The following TMEM60 variants were observed in gnomAD, a reference collection of about 807,000 sequenced individuals.
TMEM60 encodes transmembrane protein 60.
In TMEM60, 4 loss-of-function variants were observed where a neutral mutation model predicts 10.7. That is an observed-to-expected ratio of 0.37 (90% CI 0.18 to 0.86). TMEM60 has a LOEUF of 0.86. TMEM60 is among the 40% of genes least tolerant of loss of function. TMEM60 has a pLI of 0.43. For synonymous variants in TMEM60, 56 were observed against 58.1 expected (o/e 0.96, Z 0.17); for missense variants, 128 against 153.4 (o/e 0.83, Z 0.88).
At position 77,794,341 on chromosome 7, in the gene TMEM60, G is replaced by A. The variant is rs1193444004; in HGVS notation, c.33C>T (p.Leu11=). ...AGAAGAGTAGTGTGAAAAGCCAGGT[G>A]AGTAGTACTCTCTGAGCCAAGGACA... is the stretch of plus-strand genomic sequence containing the variant. The part of the protein sequence containing the change: MRMSLAQRVL[L]TWLFTLLFLI... Residue 11 remains leucine, a synonymous_variant, in exon 2 of 2, where the codon CTC becomes CTT. Coordinates refer to ENST00000257663, the MANE Select transcript of TMEM60 (RefSeq NM_032936.4). 6.3e-7 allele frequency: 1 copy of A among 1,598,248 alleles called. No individual in the cohort carries two copies. The highest frequency in any genetic ancestry group is 8.5e-7 in the Non-Finnish European group (1 of 1,174,048).
chr7:77,795,199 A>T (rs1358802004), intron 1 of TMEM60, among the ~76,000 whole-genome samples: 1 of 152,086 alleles, frequency 6.6e-6, no homozygotes, highest in African/African-American at 2.4e-5. Context: ...AATGGTTAAT[A>T]AAAATCACAA....
In TMEM60 at chr7:77,794,168, T is replaced by C. The variant is rs758392073; in HGVS notation, c.206A>G (p.His69Arg). 3.1e-6 allele frequency: 5 copies of C among 1,613,374 alleles called. No homozygotes were observed. Among genetic ancestry groups the C allele is most frequent in the African/African-American group, 1.3e-5 (1 of 74,936 alleles). Residue 69 changes from histidine (H) to arginine (R), a missense_variant, in exon 2 of 2, where the codon CAT becomes CGT. Physicochemically the swap from His to Arg is conservative, Grantham distance 29. Transcript: ENST00000257663. ...GRCKSGFDPR[H>R]GSHNIKKKAW... ...TTTTTTTTTAATATTGTGTGATCCATGTCGAGGGTCAAAGCCAGACTTACA... is the reference window on the plus strand; with the variant it reads ...TTTTTTTTTAATATTGTGTGATCCACGTCGAGGGTCAAAGCCAGACTTACA...
Position 77,793,820 on chromosome 7 carries a change from C to T in TMEM60, c.*152G>A, listed in dbSNP as rs1465939449. 7 of 789,600 alleles carry T rather than the reference C, an allele frequency of 8.9e-6. No homozygotes were observed. Among genetic ancestry groups the T allele is most frequent in the East Asian group, 3.0e-5 (1 of 32,854 alleles). The allele number at this position is 789,600 out of a possible 1,614,324, so 48.9% of individuals were successfully genotyped here. On this transcript the variant is annotated 3_prime_UTR_variant, in exon 2 of 2. Coordinates refer to ENST00000257663, the MANE Select transcript of TMEM60 (RefSeq NM_032936.4). ...TTAAGCTGTAGGTTGACTAGAAGTC[C>T]GTGATTCACCAATCCTGTTTTATGG...
chr7:77,796,358 T>C (rs1268682203), intron 1 of TMEM60, among the ~76,000 whole-genome samples: 1 of 152,254 alleles, frequency 6.6e-6, no homozygotes, highest in African/African-American at 2.4e-5. Flanking sequence ...GCATTTATTA[T>C]ATTTAATCTT....
rs1182456348 is a variant in TMEM60 at position 77,794,420 on chromosome 7, T to C, written c.-47A>G. On this transcript the variant is annotated 5_prime_UTR_variant, in exon 2 of 2. Transcript: ENST00000257663. Reference sequence around the variant, plus strand: ...TTGCAGGATCGGAAAAAAGGAAATATACCCTAAGAGAAGGAGAAAAAGTCA... The same window carrying C: ...TTGCAGGATCGGAAAAAAGGAAATACACCCTAAGAGAAGGAGAAAAAGTCA... 8.3e-6 allele frequency: 12 copies of C among 1,443,348 alleles called. No individual in the cohort carries two copies. Among genetic ancestry groups the C allele is most frequent in the Admixed American group, 5.3e-5 (2 of 38,086 alleles). The allele number at this position is 1,443,348 out of a possible 1,614,324, so 89.4% of individuals were successfully genotyped here. A position where few individuals can be genotyped will look rare whatever the true frequency, so the allele number is the denominator to read the frequency against.
rs961963186 is a variant in TMEM60 at position 77,794,239 on chromosome 7, A to C, written c.135T>G (p.Phe45Leu). 2 of 1,613,956 alleles carry C rather than the reference A, an allele frequency of 1.2e-6. No homozygotes were observed. Among genetic ancestry groups the C allele is most frequent in the Admixed American group, 1.7e-5 (1 of 59,974 alleles). ...WFLIFIPVWIFDTILLVLLIV... is the reference protein window; with the variant it reads ...WFLIFIPVWILDTILLVLLIV... ...TCAGCAGGACAAGAAGGATAGTATC[A>C]AATATCCAGACTGGAATGAATATGA... Residue 45 changes from phenylalanine to leucine, a missense_variant, in exon 2 of 2, where the codon TTT becomes TTG. Transcript: ENST00000257663.
intron 1 of TMEM60, among the ~76,000 whole-genome samples, chr7:77,794,878 A>G (rs1562817165): frequency 6.6e-6 from 1 of 152,214 alleles, no homozygotes; most frequent in African/African-American, 2.4e-5. Context: ...GGGAATGGGA[A>G]GGGTGCGTGG....
intron 1 of TMEM60, among the ~76,000 whole-genome samples, chr7:77,794,853 A>T (rs1393163721): frequency 6.6e-6 from 1 of 152,142 alleles, no homozygotes; most frequent in Non-Finnish European, 1.5e-5. Context: ...GAGAAGAGAG[A>T]GAGTTTTAAA....
intron 1 of TMEM60, among the ~76,000 whole-genome samples, chr7:77,796,326 G>A (rs565869865): frequency 6.6e-6 from 1 of 152,240 alleles, no homozygotes; most frequent in South Asian, 2.1e-4. Context: ...GATTATGAAT[G>A]CATAAAACTT....
At chr7:77,797,504 A>G (rs1792203848) in intron 1 of TMEM60, among the ~76,000 whole-genome samples, 1 of 152,210 alleles carries the variant, frequency 6.6e-6, no homozygotes, top group South Asian at 2.1e-4. Context: ...CAACGATGAC[A>G]TACGATCCCA....
At chr7:77,797,802 C>G (rs919760923) in intron 1 of TMEM60, among the ~76,000 whole-genome samples, 1 of 152,200 alleles carries the variant, frequency 6.6e-6, no homozygotes, top group African/African-American at 2.4e-5. Context: ...TGCCAGTAGT[C>G]TACCAAGTGA....
At chr7:77,795,873 A>G (rs539993981) in intron 1 of TMEM60, among the ~76,000 whole-genome samples, 16 of 151,876 alleles carry the variant, frequency 1.1e-4, no homozygotes, top group Non-Finnish European at 1.9e-4. Context: ...TATATGACTT[A>G]GTGTTGCTCT....
rs1045463 is a variant in TMEM60 at position 77,793,835 on chromosome 7, C to T, written c.*137G>A. On this transcript the variant is annotated 3_prime_UTR_variant, in exon 2 of 2. Transcript: ENST00000257663. ...ACTAGAAGTCCGTGATTCACCAATC[C>T]TGTTTTATGGAAGTAGTATAAAACT... The T allele has an allele frequency of 0.25, 236,716 of 945,322 alleles. 31,094 individuals carry two copies. The highest frequency in any genetic ancestry group is 0.27 in the Non-Finnish European group (181,393 of 676,426). The allele number at this position is 945,322 out of a possible 1,614,324, so 58.6% of individuals were successfully genotyped here.
chr7:77,794,624 A>G (rs1299452941), intron 1 of TMEM60, among the ~76,000 whole-genome samples: 2 of 152,162 alleles, frequency 1.3e-5, no homozygotes, highest in Non-Finnish European at 2.9e-5. Context: ...ACAAAATACA[A>G]TTTTTATTAT....
At position 77,794,072 on chromosome 7, in the gene TMEM60, A is replaced by G. The variant is rs779895667; in HGVS notation, c.302T>C (p.Phe101Ser). 4 of 1,614,012 alleles carry G rather than the reference A, an allele frequency of 2.5e-6. No homozygotes were observed. Among genetic ancestry groups the G allele is most frequent in the Non-Finnish European group, 2.5e-6 (3 of 1,180,024 alleles). Reference protein sequence around the residue: ...CLALCAKLEQFTTMNLSYVFI... With the variant: ...CLALCAKLEQSTTMNLSYVFI... ...GACATAGGATAGATTCATGGTAGTA[A>G]ACTGTTCCAGTTTAGCACAGAGTGC... The change falls in exon 2 of 2, where the codon TTT becomes TCT. Residue 101 changes from phenylalanine to serine, a missense_variant. By Grantham distance (155) the Phe-to-Ser change is radical. Transcript: ENST00000257663.
At chr7:77,797,268 G>A (rs941252672) in intron 1 of TMEM60, among the ~76,000 whole-genome samples, 3 of 152,164 alleles carry the variant, frequency 2.0e-5, no homozygotes, top group African/African-American at 7.2e-5. Flanking sequence ...ATCTGCTATC[G>A]GATAAGACAA....
At chr7:77,797,575 C>A (rs545834707) in intron 1 of TMEM60, among the ~76,000 whole-genome samples, 2 of 152,324 alleles carry the variant, frequency 1.3e-5, no homozygotes, top group South Asian at 4.1e-4. Context: ...ATTCTCTCCA[C>A]AAGAAAGGGG....
intron 1 of TMEM60, among the ~76,000 whole-genome samples, chr7:77,797,618 A>G (rs1324141599): frequency 6.6e-6 from 1 of 152,158 alleles, no homozygotes; most frequent in Non-Finnish European, 1.5e-5. Flanking sequence ...GCTCAACTAA[A>G]ATGTTTCCCA....
intron 1 of TMEM60, among the ~76,000 whole-genome samples, chr7:77,796,574 G>C (rs927385504): frequency 1.3e-5 from 2 of 151,932 alleles, no homozygotes; most frequent in African/African-American, 4.8e-5. Flanking sequence ...TGAAAGATAG[G>C]GTATATGAAA....
Sources: gnomAD v4.1 joint callset for allele counts (sites outside exome capture counted in the v4.1 genomes callset) on GRCh38, gnomAD v4.1.1 for gene constraint, MANE v1.5 for transcripts, NCBI Gene and HGNC (gene_info 2026-07-23, HGNC 2026-07-21) for gene names.